ALK: variants seen among roughly 807,000 people sequenced by gnomAD.
The protein encoded by ALK is ALK receptor tyrosine kinase.
A neutral mutation model predicts 163.1 loss-of-function variants in ALK; 74 were observed. The observed-to-expected ratio is 0.45, with a 90% CI of 0.38 to 0.55. The LOEUF (loss-of-function observed/expected upper bound fraction) is 0.55. Ranked by LOEUF, ALK falls within the 20% of genes least tolerant of loss-of-function variation. The pLI, the probability that ALK is intolerant of heterozygous loss-of-function variation, is 0.00. For synonymous variants in ALK, 960 were observed against 843.2 expected (o/e 1.14, Z -2.40); for missense variants, 2,063 against 2,105.3 (o/e 0.98, Z 0.39).
chr2:29,841,090 G>A (rs1160848654), intron 1 of ALK, among the ~76,000 whole-genome samples: 1 of 151,904 alleles, frequency 6.6e-6, no homozygotes, highest in African/African-American at 2.4e-5. Flanking sequence ...AATCATATTC[G>A]GCCAGATTTT....
chr2:29,451,395 C>T (rs573677689), intron 4 of ALK, among the ~76,000 whole-genome samples: 2 of 152,166 alleles, frequency 1.3e-5, no homozygotes, highest in South Asian at 4.1e-4. Context: ...AGATAAAACT[C>T]TTTAGCTTGG....
chr2:29,848,347 C>T (rs1225626644), intron 1 of ALK, among the ~76,000 whole-genome samples: 4 of 139,176 alleles, frequency 2.9e-5, no homozygotes, highest in African/African-American at 1.1e-4. Flanking sequence ...TTCAGGAAGG[C>T]TTTTTTTTTT....
At chr2:29,461,617 G>C (rs539723288) in intron 4 of ALK, among the ~76,000 whole-genome samples, 1 of 152,116 alleles carries the variant, frequency 6.6e-6, no homozygotes, top group African/African-American at 2.4e-5. Context: ...TAAGTCCACT[G>C]TTCAGACCTA....
intron 4 of ALK, among the ~76,000 whole-genome samples, chr2:29,500,554 T>C (rs1396058419): frequency 6.6e-6 from 1 of 152,200 alleles, no homozygotes; most frequent in Non-Finnish European, 1.5e-5. Flanking sequence ...CTACCTGGTC[T>C]AGCCTCTTCT....
chr2:29,683,704 AC>A (rs1174482864), intron 3 of ALK, among the ~76,000 whole-genome samples: 1 of 151,506 alleles, frequency 6.6e-6, no homozygotes, highest in Non-Finnish European at 1.5e-5. Context: ...AGTTTAACCC[AC>A]CCCCCATTCC....
chr2:29,916,426 C>A (rs12714293), intron 1 of ALK, among the ~76,000 whole-genome samples: 51,877 of 152,034 alleles, frequency 0.34, 10,468 homozygotes, highest in Middle Eastern at 0.47. Context: ...AAATCAGTCC[C>A]TTCAACTGTT....
chr2:29,410,957 A>C (rs987348141), intron 4 of ALK, among the ~76,000 whole-genome samples: 7 of 152,208 alleles, frequency 4.6e-5, no homozygotes, highest in Admixed American at 2.6e-4. Context: ...TAAACTTTTA[A>C]TTTTTTGACT....
chr2:29,465,333 A>T (rs1274074378), intron 4 of ALK, among the ~76,000 whole-genome samples: 1 of 152,206 alleles, frequency 6.6e-6, no homozygotes, highest in Non-Finnish European at 1.5e-5. Context: ...TTCAACATAA[A>T]CATCCTTTCA....
At chr2:29,652,019 T>TA (rs1459909311) in intron 3 of ALK, among the ~76,000 whole-genome samples, 4 of 152,066 alleles carry the variant, frequency 2.6e-5, no homozygotes, top group African/African-American at 4.8e-5. Flanking sequence ...TGGGAATTTT[T>TA]AAAAAAATGA....
Position 29,482,313 on chromosome 2 carries a change from G to A in ALK, c.1154+49602C>T, listed in dbSNP as rs7557302. The stretch of plus-strand genomic sequence containing the variant: ...GAGCCATAATTTCATAAAATAGAGG[G>A]TTGGCCTGCAAGAATTTCTGGTGTC... On this transcript the variant is annotated intron_variant, in intron 4 of 28. Transcript: ENST00000389048. 4.7e-3 allele frequency among the ~76,000 whole-genome samples: 715 copies of A among 152,264 alleles called. 12 individuals carry two copies. Among genetic ancestry groups the A allele is most frequent in the African/African-American group, 0.016 (673 of 41,548 alleles).
Position 29,207,084 on chromosome 2 carries a change from G to A in ALK, c.3938+87C>T, listed in dbSNP as rs1669330352. 3.9e-6 allele frequency: 4 copies of A among 1,014,666 alleles called. No individual in the cohort carries two copies. The East Asian group carries it at 7.1e-5, about 18-fold the overall frequency. The allele number at this position is 1,014,666 out of a possible 1,614,324, so 62.9% of individuals were successfully genotyped here. A position where few individuals can be genotyped will look rare whatever the true frequency, so the allele number is the denominator to read the frequency against. ...TCTTTTCCCTCCCTACTAACACACGGGCTCCCGGCTTAGAGTATAGAGTCC... is the reference window on the plus strand; with the variant it reads ...TCTTTTCCCTCCCTACTAACACACGAGCTCCCGGCTTAGAGTATAGAGTCC... On this transcript the variant is annotated intron_variant, in intron 26 of 28. Coordinates refer to ENST00000389048, the MANE Select transcript of ALK (RefSeq NM_004304.5).
intron 26 of ALK, among the ~76,000 whole-genome samples, chr2:29,204,374 A>T (rs1054051138): frequency 2.6e-5 from 4 of 151,976 alleles, no homozygotes; most frequent in Admixed American, 6.6e-5. Context: ...TCTCTTGACT[A>T]TGACAACACC....
At chr2:29,214,115 A>G (rs1038839193) in intron 23 of ALK, 34 bp from the exon 24 acceptor site, 1 of 1,567,828 alleles carries the variant, frequency 6.4e-7, no homozygotes, top group African/African-American at 1.4e-5. Flanking sequence ...ACTGACGAGG[A>G]GCTTGTCAGT....
chr2:29,873,502 T>G (rs577783015), intron 1 of ALK, among the ~76,000 whole-genome samples: 5 of 152,220 alleles, frequency 3.3e-5, no homozygotes, highest in African/African-American at 1.2e-4. Context: ...TGATGAGGAC[T>G]GTGCTCAAGG....
In ALK at chr2:29,251,087, C is replaced by T. The variant is rs763928856; in HGVS notation, c.2204+18G>A. The T allele has an allele frequency of 6.2e-7, 1 of 1,612,992 alleles. No homozygotes were observed. Among genetic ancestry groups the T allele is most frequent in the East Asian group, 2.2e-5 (1 of 44,818 alleles). ...GAAGGGGTGGTCTGCCCCTCCCCTC[C>T]CCCTCTTCCATACGCACCTGTAGGT... On this transcript the variant is annotated intron_variant, in intron 12 of 28. Coordinates refer to ENST00000389048, the MANE Select transcript of ALK (RefSeq NM_004304.5).
At chr2:29,409,697 C>T (rs58489483) in intron 4 of ALK, among the ~76,000 whole-genome samples, 3,833 of 152,170 alleles carry the variant, frequency 0.025, 171 homozygotes, top group African/African-American at 0.087. Flanking sequence ...GACCTGGGAC[C>T]GTGGTGCAGT....
intron 4 of ALK, among the ~76,000 whole-genome samples, chr2:29,501,069 C>A (rs1311630278): frequency 6.6e-6 from 1 of 152,102 alleles, no homozygotes; most frequent in Non-Finnish European, 1.5e-5. Flanking sequence ...TGACACCTCT[C>A]TTCTCTCATC....
At chr2:29,360,609 T>C (rs1668363877) in intron 5 of ALK, among the ~76,000 whole-genome samples, 1 of 152,160 alleles carries the variant, frequency 6.6e-6, no homozygotes, top group Non-Finnish European at 1.5e-5. Context: ...GATGTGAGAA[T>C]ACAGAAATGA....
intron 1 of ALK, among the ~76,000 whole-genome samples, chr2:29,822,800 C>T (rs191066739): frequency 4.6e-5 from 7 of 152,330 alleles, no homozygotes; most frequent in Non-Finnish European, 7.3e-5. Flanking sequence ...TAATGTGCAA[C>T]GAATCACTGG....
Sources: allele counts gnomAD v4.1 joint callset (sites outside exome capture counted in the v4.1 genomes callset), GRCh38; gene constraint gnomAD v4.1.1; transcripts MANE v1.5; gene names NCBI Gene and HGNC (gene_info 2026-07-23, HGNC 2026-07-21).